The following MYO16 variants were observed in gnomAD, a reference collection of about 807,000 sequenced individuals.
MYO16 encodes unconventional myosin-XVI.
In MYO16, 94 loss-of-function variants were observed where a neutral mutation model predicts 205.3. The ratio of observed to expected loss-of-function variants is 0.46; its 90% CI spans 0.39 to 0.54. MYO16 has a LOEUF of 0.54. Among genes scored for constraint, MYO16 ranks in the 20% least tolerant of loss-of-function variants. The pLI is 0.00. For missense variants in MYO16, 2,315 were observed against 2,387.5 expected (o/e 0.97, Z 0.63); for synonymous variants, 988 against 954.0 (o/e 1.04, Z -0.66).
the MYO16 span, among the ~76,000 whole-genome samples, chr13:108,552,614 A>G: frequency 6.6e-6 from 1 of 152,194 alleles, no homozygotes; most frequent in South Asian, 2.1e-4. Flanking sequence ...AGAATTAAAT[A>G]TTCTCAAATA....
chr13:109,183,626 T>C (rs902037503), intron 34 of MYO16, among the ~76,000 whole-genome samples: 3 of 152,250 alleles, frequency 2.0e-5, no homozygotes, highest in Non-Finnish European at 2.9e-5. Flanking sequence ...CACAGTAATA[T>C]CATGTGCTTT....
At position 109,127,862 on chromosome 13, in the gene MYO16, A is replaced by G. The variant is rs1272335578; in HGVS notation, c.4051+312A>G. On this transcript the variant is annotated intron_variant, in intron 31 of 34. Transcript: ENST00000457511. This position sits in a 1 kb window ranked among gnomAD's most constrained non-coding sequence, Gnocchi z 4.2. The stretch of plus-strand genomic sequence containing the variant: ...TAAAGGTTCACCAATGAGAAAGTAA[A>G]AAAAAAAAAAAAAAAACTGCTTCAG... Among the ~76,000 whole-genome samples the G allele has an allele frequency of 1.4e-5, 2 of 142,494 alleles. No homozygotes were observed. The highest frequency in any genetic ancestry group is 2.5e-5 in the African/African-American group (1 of 40,264). The allele number at this position is 142,494 out of a possible 152,430, so 93.5% of individuals were successfully genotyped here.
chr13:108,769,922 C>T (rs754762559), intron 4 of MYO16, among the ~76,000 whole-genome samples: 38 of 152,086 alleles, frequency 2.5e-4, no homozygotes, highest in African/African-American at 7.0e-4. Context: ...GTGATGGAAA[C>T]GCTTTAAATG....
At chr13:109,048,325 T>G in intron 24 of MYO16, 1 of 753,114 alleles carries the variant, frequency 1.3e-6, no homozygotes. Flanking sequence ...CAGTCTTTTT[T>G]TTTATTCTTT....
the MYO16 span, among the ~76,000 whole-genome samples, chr13:108,574,971 G>A: frequency 2.7e-3 from 408 of 152,124 alleles, 4 homozygotes; most frequent in African/African-American, 9.4e-3. Flanking sequence ...CTAGTATAAG[G>A]TGTACTCACA....
intron 14 of MYO16, among the ~76,000 whole-genome samples, chr13:108,895,988 A>G (rs977589365): frequency 3.9e-5 from 6 of 152,176 alleles, no homozygotes; most frequent in African/African-American, 1.4e-4. Context: ...GGTTTGAGGA[A>G]TTCAGAGGAC....
chr13:108,696,230 T>C (rs1016539024), intron 2 of MYO16, among the ~76,000 whole-genome samples: 1 of 152,188 alleles, frequency 6.6e-6, no homozygotes, highest in Non-Finnish European at 1.5e-5. Context: ...ATTCCACCTC[T>C]AAGAATGTGT....
At chr13:108,983,973 G>T (rs2139420648) in intron 20 of MYO16, among the ~76,000 whole-genome samples, 1 of 152,198 alleles carries the variant, frequency 6.6e-6, no homozygotes, top group East Asian at 1.9e-4. Context: ...GCCTGGAAAG[G>T]TTTTCATCCC....
At chr13:108,589,386 T>G in the MYO16 span, among the ~76,000 whole-genome samples, 1 of 152,206 alleles carries the variant, frequency 6.6e-6, no homozygotes, top group Non-Finnish European at 1.5e-5. Context: ...TAGCCCTTGA[T>G]GTTTTCATTA....
chr13:108,880,856 G>C (rs534263123), intron 12 of MYO16, among the ~76,000 whole-genome samples: 121 of 152,228 alleles, frequency 7.9e-4, no homozygotes, highest in African/African-American at 2.9e-3. Context: ...GCTCTTTCTT[G>C]GTTCCATATG....
At chr13:108,704,655 T>G (rs1435477916) in intron 2 of MYO16, among the ~76,000 whole-genome samples, 1 of 152,064 alleles carries the variant, frequency 6.6e-6, no homozygotes, top group Non-Finnish European at 1.5e-5. Context: ...ATGGTACACG[T>G]TTTACAATTG....
intron 25 of MYO16, among the ~76,000 whole-genome samples, chr13:109,053,333 G>A (rs1270052146): frequency 1.3e-5 from 2 of 151,774 alleles, no homozygotes; most frequent in Non-Finnish European, 2.9e-5. Context: ...GTGTGAGTGT[G>A]TGCTCCAGCC....
At chr13:108,780,850 G>A (rs1439492714) in intron 4 of MYO16, among the ~76,000 whole-genome samples, 1 of 152,102 alleles carries the variant, frequency 6.6e-6, no homozygotes, top group Non-Finnish European at 1.5e-5. Context: ...CAGGTAATAA[G>A]GCCGGCTTCT....
intron 29 of MYO16, among the ~76,000 whole-genome samples, chr13:109,121,787 C>T (rs905721497): frequency 1.3e-5 from 2 of 152,208 alleles, no homozygotes; most frequent in African/African-American, 4.8e-5. Flanking sequence ...AAACCACTTT[C>T]ACCAGGCTGA....
At chr13:108,574,810 A>G in the MYO16 span, among the ~76,000 whole-genome samples, 1 of 152,134 alleles carries the variant, frequency 6.6e-6, no homozygotes, top group South Asian at 2.1e-4. Flanking sequence ...ACAGTTGTTA[A>G]TCACAACAGG....
At chr13:108,932,719 C>T (rs1163622643) in intron 16 of MYO16, among the ~76,000 whole-genome samples, 2 of 151,128 alleles carry the variant, frequency 1.3e-5, no homozygotes, top group Admixed American at 6.6e-5. Context: ...TCATGGTATA[C>T]CTTCCCACTG....
chr13:109,051,308 G>A (rs1025198928), intron 24 of MYO16, among the ~76,000 whole-genome samples: 2 of 151,972 alleles, frequency 1.3e-5, no homozygotes, highest in African/African-American at 2.4e-5. Flanking sequence ...TATGTCACCC[G>A]CATTTTGCAC....
At chr13:108,636,104 C>T (rs765919655) in intron 1 of MYO16, among the ~76,000 whole-genome samples, 12 of 151,848 alleles carry the variant, frequency 7.9e-5, no homozygotes, top group Non-Finnish European at 1.2e-4. Flanking sequence ...TTGCTTTTGT[C>T]GCATTCTAAA....
At chr13:108,876,122 ACTC>A (rs1879312188) in intron 12 of MYO16, among the ~76,000 whole-genome samples, 1 of 151,836 alleles carries the variant, frequency 6.6e-6, no homozygotes, top group Non-Finnish European at 1.5e-5. Context: ...CTGGACTAAA[ACTC>A]CTCAGTTTTA....
Sources: gnomAD v4.1 joint callset for allele counts (sites outside exome capture counted in the v4.1 genomes callset) on GRCh38, gnomAD v4.1.1 for gene constraint, Gnocchi (gnomAD v3.1) non-coding constraint, MANE v1.5 for transcripts, NCBI Gene and HGNC (gene_info 2026-07-23, HGNC 2026-07-21) for gene names.